Variants in TTC28 observed in about 807,000 individuals in gnomAD.
TTC28 encodes the protein tetratricopeptide repeat domain 28, also known as tetratricopeptide repeat protein 28.
Under a neutral mutation model 198.0 loss-of-function variants are expected in TTC28, and 61 were observed. The observed-to-expected ratio is 0.31, with a 90% CI of 0.25 to 0.38. The LOEUF (loss-of-function observed/expected upper bound fraction) is 0.38. Ranked by LOEUF, TTC28 falls within the 10% of genes least tolerant of loss-of-function variation. TTC28 has a pLI of 1.00. For synonymous variants in TTC28, 1,171 were observed against 1,297.8 expected (o/e 0.90, Z 2.10); for missense variants, 2,678 against 3,164.0 (o/e 0.85, Z 3.69).
Position 27,998,932 on chromosome 22 carries a change from G to A in TTC28, c.4727C>T (p.Pro1576Leu). The A allele has an allele frequency of 6.4e-7, 1 of 1,550,828 alleles. No homozygotes were observed. Among genetic ancestry groups the A allele is most frequent in the Non-Finnish European group, 8.7e-7 (1 of 1,147,002 alleles). The change falls in exon 16 of 23, where the codon CCC (proline) becomes CTC (leucine). Residue 1576 changes from proline (P) to leucine (L), a missense_variant. This residue lies in a region of TTC28 where 727 missense variants were observed against 861.9 expected (regional missense o/e 0.84). Coordinates refer to ENST00000397906, the MANE Select transcript of TTC28 (RefSeq NM_001145418.2). ...PASSKSSFGH[P>L]YTIPESLRVQ... ...CCGCAAGGACTCAGGGATCGTGTAG[G>A]GGTGGCCGAAGGAGCTCTTGCTGCT... is the stretch of plus-strand genomic sequence containing the variant.
chr22:28,501,555 G>A (rs908523622), intron 2 of TTC28, among the ~76,000 whole-genome samples: 6 of 152,114 alleles, frequency 3.9e-5, no homozygotes, highest in Non-Finnish European at 8.8e-5. Context: ...AACTTGAAAT[G>A]TTCCCAACAC....
chr22:28,465,747 AG>A (rs1277809475), intron 2 of TTC28, among the ~76,000 whole-genome samples: 1 of 152,214 alleles, frequency 6.6e-6, no homozygotes, highest in Admixed American at 6.5e-5. Context: ...ATATTAACAA[AG>A]ACCAGACATC....
chr22:28,124,593 C>T (rs1186862329), intron 6 of TTC28, among the ~76,000 whole-genome samples: 1 of 152,142 alleles, frequency 6.6e-6, no homozygotes, highest in Non-Finnish European at 1.5e-5. Context: ...AAAGGGCAAG[C>T]CCAGGAAGTC....
chr22:28,025,670 C>G (rs1427234087), intron 13 of TTC28, among the ~76,000 whole-genome samples: 1 of 152,138 alleles, frequency 6.6e-6, no homozygotes, highest in Non-Finnish European at 1.5e-5. Flanking sequence ...CTTGAGCCAG[C>G]CTGGGCCACA....
At chr22:28,283,505 A>C (rs1454156476) in intron 5 of TTC28, among the ~76,000 whole-genome samples, 1 of 152,142 alleles carries the variant, frequency 6.6e-6, no homozygotes, top group Non-Finnish European at 1.5e-5. Context: ...TCATCTAATT[A>C]ATTTCCTGTA....
intron 12 of TTC28, among the ~76,000 whole-genome samples, chr22:28,040,714 T>C (rs949162118): frequency 1.3e-5 from 2 of 152,166 alleles, no homozygotes; most frequent in Admixed American, 1.3e-4. Context: ...CTATTCAACA[T>C]AGTGTTGGAA....
intron 5 of TTC28, among the ~76,000 whole-genome samples, chr22:28,173,047 C>T (rs536316314): frequency 2.0e-5 from 3 of 152,220 alleles, no homozygotes; most frequent in South Asian, 2.1e-4. Context: ...GATTGCAAGA[C>T]GGCTAGGCTG....
intron 5 of TTC28, among the ~76,000 whole-genome samples, chr22:28,280,836 C>T (rs1244417977): frequency 6.6e-6 from 1 of 152,018 alleles, no homozygotes; most frequent in African/African-American, 2.4e-5. Flanking sequence ...TTTGCCTTCA[C>T]TCTTGAAAAT....
chr22:28,185,231 G>C (rs1280150761), intron 5 of TTC28, among the ~76,000 whole-genome samples: 2 of 152,060 alleles, frequency 1.3e-5, no homozygotes, highest in Non-Finnish European at 2.9e-5. Context: ...CTGTTTCTGA[G>C]TTGCCATCTT....
At chr22:28,298,772 AC>A (rs2044955014) in intron 3 of TTC28, among the ~76,000 whole-genome samples, 1 of 152,090 alleles carries the variant, frequency 6.6e-6, no homozygotes, top group Non-Finnish European at 1.5e-5. Context: ...AATCTGAACG[AC>A]AGATTAATAA....
chr22:28,126,823 G>C (rs939781365), intron 6 of TTC28, among the ~76,000 whole-genome samples: 1 of 152,194 alleles, frequency 6.6e-6, no homozygotes, highest in Non-Finnish European at 1.5e-5. Flanking sequence ...TATGCAGAAT[G>C]AATTTCCTGG....
chr22:28,348,881 C>T (rs2045948554), intron 2 of TTC28, among the ~76,000 whole-genome samples: 1 of 152,178 alleles, frequency 6.6e-6, no homozygotes, highest in Non-Finnish European at 1.5e-5. Context: ...TTAAAAGAAT[C>T]GTCCCAGTCC....
rs1411214854 is a variant in TTC28, at chr22:28,399,315, C to CCGTTTTTTTTTTTTTTTTTTTTTTTTT, written c.382-92673_382-92672insAAAAAAAAAAAAAAAAAAAAAAAAACG. ...ATGTTTGTATAAGTTGAGACTAAAA[C>CCGTTTTTTTTTTTTTTTTTTTTTTTTT]TGTTTTTTTTTTTTTTTTTTTGAGA... On this transcript the variant is annotated intron_variant, in intron 2 of 22. Coordinates refer to ENST00000397906, the MANE Select transcript of TTC28 (RefSeq NM_001145418.2). Among the ~76,000 whole-genome samples, 2 of 133,110 alleles carry CCGTTTTTTTTTTTTTTTTTTTTTTTTT rather than the reference C, an allele frequency of 1.5e-5. 1 individual carries two copies. The allele number at this position is 133,110 out of a possible 152,430, so 87.3% of individuals were successfully genotyped here.
intron 2 of TTC28, among the ~76,000 whole-genome samples, chr22:28,453,574 C>T (rs1331281667): frequency 6.6e-6 from 1 of 152,160 alleles, no homozygotes; most frequent in Non-Finnish European, 1.5e-5. Flanking sequence ...TCTATTCATC[C>T]AGCAGCTCAG....
intron 2 of TTC28, among the ~76,000 whole-genome samples, chr22:28,471,437 CA>C (rs1384723063): frequency 6.6e-6 from 1 of 152,052 alleles, no homozygotes; most frequent in Non-Finnish European, 1.5e-5. Flanking sequence ...GTCTCTGTGA[CA>C]AAAGACCTAG....
chr22:28,547,494 C>T (rs2049570281), intron 2 of TTC28, among the ~76,000 whole-genome samples: 1 of 152,016 alleles, frequency 6.6e-6, no homozygotes. Flanking sequence ...TTTGTCTCTC[C>T]CTTATAAAGT....
intron 2 of TTC28, among the ~76,000 whole-genome samples, chr22:28,533,723 T>C (rs565752881): frequency 6.6e-6 from 1 of 152,234 alleles, no homozygotes; most frequent in East Asian, 1.9e-4. Context: ...TATAGATCAA[T>C]GGAACAAAAC....
intron 5 of TTC28, among the ~76,000 whole-genome samples, chr22:28,270,563 T>G (rs1380952480): frequency 1.3e-5 from 2 of 152,208 alleles, no homozygotes; most frequent in Non-Finnish European, 2.9e-5. Context: ...AAAGTAGCTT[T>G]AATATGTACA....
chr22:28,055,953 G>C (rs1327751155), intron 12 of TTC28, among the ~76,000 whole-genome samples: 1 of 152,018 alleles, frequency 6.6e-6, no homozygotes, highest in Admixed American at 6.6e-5. Context: ...TTTTAATCAT[G>C]TATATGATAT....
Sources: gnomAD v4.1 joint callset for allele counts (sites outside exome capture counted in the v4.1 genomes callset) on GRCh38, gnomAD v4.1.1 for gene constraint, gnomAD v4.1.1 regional missense constraint, MANE v1.5 for transcripts, NCBI Gene and HGNC (gene_info 2026-07-23, HGNC 2026-07-21) for gene names.